The following PECR variants were observed in gnomAD, a reference collection of about 807,000 sequenced individuals.
PECR encodes peroxisomal trans-2-enoyl-CoA reductase.
PECR carries 30 observed loss-of-function variants against 35.3 expected under a neutral mutation model. That is an observed-to-expected ratio of 0.85 (90% CI 0.64 to 1.15). The LOEUF (loss-of-function observed/expected upper bound fraction) is 1.15. Among genes scored for constraint, PECR ranks in the 50% most tolerant of loss-of-function variants. PECR has a pLI of 0.00. For missense variants in PECR, 392 were observed against 370.8 expected, an observed-to-expected ratio of 1.06 and a Z score of -0.47; for synonymous variants, 148 against 138.9, an observed-to-expected ratio of 1.07 and a Z score of -0.46.
At chr2:216,074,055 C>G (rs1695637777) in intron 1 of PECR, among the ~76,000 whole-genome samples, 1 of 152,250 alleles carries the variant, frequency 6.6e-6, no homozygotes, top group African/African-American at 2.4e-5. Context: ...ACCACTTCCT[C>G]CACCCACTTC....
At chr2:216,068,420 A>C (rs1474367182) in intron 1 of PECR, among the ~76,000 whole-genome samples, 1 of 152,138 alleles carries the variant, frequency 6.6e-6, no homozygotes, top group Non-Finnish European at 1.5e-5. Context: ...CGGTATGGAA[A>C]GCAATGAAAA....
intron 6 of PECR, among the ~76,000 whole-genome samples, chr2:216,046,878 A>C (rs1695007144): frequency 6.6e-6 from 1 of 152,258 alleles, no homozygotes; most frequent in Admixed American, 6.5e-5. Flanking sequence ...CAAAAATATA[A>C]ATAAAATCCA....
chr2:216,030,729 CT>C lies in PECR; in HGVS notation c.*440+8461del, dbSNP rs71047960. ...GGCTAATTTTTGTATTTCTTTCTTT[CT>C]TTTTTTTTTTTTAGTAGAGAGAAGG... On this transcript the variant is annotated intron_variant and NMD_transcript_variant, in intron 7 of 7. Coordinates refer to the PECR transcript ENST00000442122. 8.2e-4 allele frequency among the ~76,000 whole-genome samples: 119 copies of C among 145,604 alleles called. 2 individuals are homozygous for C. Among genetic ancestry groups the C allele is most frequent in the South Asian group, 3.0e-3 (14 of 4,594 alleles).
At chr2:216,030,152 T>C (rs1269767430) in intron 7 of PECR, among the ~76,000 whole-genome samples, 1 of 152,240 alleles carries the variant, frequency 6.6e-6, no homozygotes, top group Non-Finnish European at 1.5e-5. Flanking sequence ...GGGGGACAGA[T>C]AGACAAATTT....
rs1364706190 is a variant in PECR at position 216,058,903 on chromosome 2, T to C, written c.498A>G (p.Pro166=). 3 of 1,591,228 alleles carry C rather than the reference T, an allele frequency of 1.9e-6. No homozygotes were observed. Among genetic ancestry groups the C allele is most frequent in the South Asian group, 1.1e-5 (1 of 90,540 alleles). The change falls in exon 4 of 8, where the codon CCA becomes CCG. Residue 166 remains proline (P), a synonymous_variant. Coordinates refer to ENST00000265322, the MANE Select transcript of PECR (RefSeq NM_018441.6). ...TATATAAAAACGCTTACACAGCTAA[T>C]GGAAATCCAGCTTTAGTAGGGACAA... ...NIIVPTKAGF[P]LAVHSGAARA...
At chr2:216,057,429 C>T (rs1207434610) in intron 4 of PECR, among the ~76,000 whole-genome samples, 4 of 152,088 alleles carry the variant, frequency 2.6e-5, no homozygotes, top group Non-Finnish European at 4.4e-5. Context: ...CATTTGAGAA[C>T]ATCAAGATAC....
At position 216,067,625 on chromosome 2, in the gene PECR, C is replaced by T. The variant is rs374084436; in HGVS notation, c.125-1107G>A. ...AGACTGGGGTGCAGTGGCATGATCTCAGCTCACTGCAACCTCCACCTCCCG... is the reference window on the plus strand; with the variant it reads ...AGACTGGGGTGCAGTGGCATGATCTTAGCTCACTGCAACCTCCACCTCCCG... On this transcript the variant is annotated intron_variant, in intron 1 of 7. Transcript: ENST00000265322. Among the ~76,000 whole-genome samples, 812 of 151,236 alleles carry T rather than the reference C, an allele frequency of 5.4e-3. 10 individuals are homozygous for T. The highest frequency in any genetic ancestry group is 0.019 in the African/African-American group (770 of 41,172).
At chr2:216,055,067 G>C (rs1316328240) in intron 4 of PECR, among the ~76,000 whole-genome samples, 2 of 148,612 alleles carry the variant, frequency 1.3e-5, no homozygotes, top group South Asian at 4.2e-4. Context: ...AGCAGAAATT[G>C]CACCACTGCA....
chr2:216,050,811 G>C (rs1695099744), intron 5 of PECR: 1 of 150,680 alleles, frequency 6.6e-6, no homozygotes, highest in Non-Finnish European at 1.5e-5. Context: ...TGAGGCAGGA[G>C]AATCACTTGA....
chr2:216,077,725 T>C (rs1695740728), intron 1 of PECR, among the ~76,000 whole-genome samples: 1 of 150,052 alleles, frequency 6.7e-6, no homozygotes, highest in African/African-American at 2.5e-5. Flanking sequence ...AAGAATCGCT[T>C]GAACCTGGGA....
intron 1 of PECR, among the ~76,000 whole-genome samples, chr2:216,078,172 C>A (rs58568811): frequency 6.6e-6 from 1 of 151,818 alleles, no homozygotes; most frequent in African/African-American, 2.4e-5. Context: ...GGCGCGGGGC[C>A]TCCATGCCTG....
intron 7 of PECR, among the ~76,000 whole-genome samples, chr2:216,031,691 G>GAAAGAAAGAAAGAAAGAAAC (rs1473248845): frequency 1.6e-5 from 1 of 61,102 alleles, no homozygotes; most frequent in African/African-American, 6.0e-5. Context: ...AAGAAAGAAA[G>GAAAGAAAGAAAGAAAGAAAC]AGAAAGAAAG....
chr2:216,055,575 T>A (rs1262755228), intron 4 of PECR, among the ~76,000 whole-genome samples: 1 of 151,994 alleles, frequency 6.6e-6, no homozygotes, highest in Non-Finnish European at 1.5e-5. Flanking sequence ...CAAATCCTCA[T>A]CATTCTTGAG....
Position 216,056,796 on chromosome 2 carries a change from G to A in PECR, c.506+2099C>T, listed in dbSNP as rs115969322. Among the ~76,000 whole-genome samples, 879 of 150,774 alleles carry A rather than the reference G, an allele frequency of 5.8e-3. 15 individuals are homozygous for A. Among genetic ancestry groups the A allele is most frequent in the African/African-American group, 0.02 (832 of 40,970 alleles). ...TACATAGTAAGAATGTTTGCTTCAC[G>A]AATTTTGTTTTGCCTATAGACACAT... is the stretch of plus-strand genomic sequence containing the variant. On this transcript the variant is annotated intron_variant, in intron 4 of 7. Transcript: ENST00000265322.
At chr2:216,061,311 CAAAAAAAAAAAAAAAAAAAAA>C (rs56791924) in intron 3 of PECR, among the ~76,000 whole-genome samples, 3 of 44,932 alleles carry the variant, frequency 6.7e-5, no homozygotes, top group African/African-American at 9.3e-5. Context: ...AACCCTGTCT[CAAAAAAAAAAAAAAAAAAAAA>C]AAAAAAAAAA....
chr2:216,053,230 G>T (rs888236241), intron 4 of PECR, among the ~76,000 whole-genome samples: 1 of 150,476 alleles, frequency 6.6e-6, no homozygotes, highest in Admixed American at 6.6e-5. Flanking sequence ...TTTCAAATCT[G>T]TTCTGATTTT....
chr2:216,068,390 A>G, intron 1 of PECR, among the ~76,000 whole-genome samples: 1 of 152,178 alleles, frequency 6.6e-6, no homozygotes, highest in East Asian at 1.9e-4. Context: ...TGCAAGCCAG[A>G]AGACACTGAA....
At chr2:216,073,860 T>A (rs1438741788) in intron 1 of PECR, among the ~76,000 whole-genome samples, 1 of 152,230 alleles carries the variant, frequency 6.6e-6, no homozygotes, top group Non-Finnish European at 1.5e-5. Context: ...CACTCTATGA[T>A]GTTCACACTA....
At position 216,051,504 on chromosome 2, in the gene PECR, T is replaced by A; in HGVS notation, c.548A>T (p.Lys183Ile). The A allele has an allele frequency of 6.2e-7, 1 of 1,613,402 alleles. No homozygotes were observed. Among genetic ancestry groups the A allele is most frequent in the South Asian group, 1.1e-5 (1 of 91,078 alleles). ...GCAGGCCCATTCCAAAGCTAAAGAT[T>A]TGGTGAGGTTGTAAACACCTGCTCT... ...AARAGVYNLT[K>I]SLALEWACSG... The change falls in exon 5 of 8, where the codon AAA (lysine) becomes ATA (isoleucine). Residue 183 changes from lysine (K) to isoleucine (I), a missense_variant. Lys to Ile is a moderately radical substitution (Grantham distance 102). Coordinates refer to ENST00000265322, the MANE Select transcript of PECR (RefSeq NM_018441.6).
Sources: allele counts gnomAD v4.1 joint callset (sites outside exome capture counted in the v4.1 genomes callset), GRCh38; gene constraint gnomAD v4.1.1; transcripts MANE v1.5; gene names NCBI Gene and HGNC (gene_info 2026-07-23, HGNC 2026-07-21).